BRINP3: variants seen among roughly 807,000 people sequenced by gnomAD.
The protein encoded by BRINP3 is BMP/retinoic acid-inducible neural-specific protein 3.
Under a neutral mutation model 71.0 loss-of-function variants are expected in BRINP3, and 19 were observed. The observed-to-expected ratio is 0.27, with a 90% CI of 0.19 to 0.39. The LOEUF is 0.39. Ranked by LOEUF, BRINP3 falls within the 10% of genes least tolerant of loss-of-function variation. The probability of loss-of-function intolerance (pLI) is 1.00; values close to 1 mark genes in which losing one functional copy is unlikely to be tolerated. For synonymous variants in BRINP3, 380 were observed against 337.7 expected (o/e 1.13, Z -1.37); for missense variants, 959 against 940.8 (o/e 1.02, Z -0.25).
intron 2 of BRINP3, among the ~76,000 whole-genome samples, chr1:190,401,287 G>C (rs1383213003): frequency 4.6e-5 from 7 of 151,114 alleles, no homozygotes; most frequent in African/African-American, 1.7e-4. Flanking sequence ...GAACCCAGGA[G>C]GTGGAGGTTG....
In BRINP3 at chr1:190,186,074, A is replaced by T. The variant is rs542688170; in HGVS notation, c.962-25184T>A. Among the ~76,000 whole-genome samples, 28 of 152,176 alleles carry T rather than the reference A, an allele frequency of 1.8e-4. No individual in the cohort carries two copies. The South Asian group carries it at 3.7e-3, about 20-fold the overall frequency. On this transcript the variant is annotated intron_variant, in intron 6 of 7. Transcript: ENST00000367462. ...TGTCAACTTGGTCATTTATATATAT[A>T]TTTTTTAAATTAAAGTAAAGGCTGG...
At chr1:190,124,876 A>G (rs1026393783) in intron 7 of BRINP3, among the ~76,000 whole-genome samples, 11 of 152,106 alleles carry the variant, frequency 7.2e-5, no homozygotes, top group African/African-American at 2.7e-4. Context: ...ATCTTTACAG[A>G]TACAAATCAA....
chr1:190,394,277 A>G (rs1034038879), intron 2 of BRINP3, among the ~76,000 whole-genome samples: 2 of 151,608 alleles, frequency 1.3e-5, no homozygotes, highest in African/African-American at 4.8e-5. Context: ...CTTACTATGG[A>G]GTATTTAATG....
intron 7 of BRINP3, among the ~76,000 whole-genome samples, chr1:190,137,128 C>G (rs1655039760): frequency 6.6e-6 from 1 of 151,978 alleles, no homozygotes; most frequent in Non-Finnish European, 1.5e-5. Flanking sequence ...GAACATGACT[C>G]TTTTCGAATA....
chr1:190,269,128 C>A (rs1485794582), intron 3 of BRINP3, among the ~76,000 whole-genome samples: 1 of 151,986 alleles, frequency 6.6e-6, no homozygotes, highest in East Asian at 1.9e-4. Flanking sequence ...CAAAGTAGAA[C>A]AGGAAAAATA....
chr1:190,182,333 G>T (rs1339136916), intron 6 of BRINP3, among the ~76,000 whole-genome samples: 1 of 151,934 alleles, frequency 6.6e-6, no homozygotes, highest in Non-Finnish European at 1.5e-5. Context: ...TGGATCTTTT[G>T]TTAGAGTACT....
chr1:190,244,428 A>G (rs1659393569), intron 4 of BRINP3, among the ~76,000 whole-genome samples: 2 of 152,106 alleles, frequency 1.3e-5, no homozygotes, highest in African/African-American at 4.8e-5. Context: ...AGCAAACTGC[A>G]AGCTGATGCT....
intron 6 of BRINP3, among the ~76,000 whole-genome samples, chr1:190,186,104 G>A (rs1237003708): frequency 2.0e-5 from 3 of 151,906 alleles, no homozygotes; most frequent in Non-Finnish European, 4.4e-5. Context: ...GGCTGGTCAC[G>A]GTGGCTGAAG....
rs1302815285 is a variant in BRINP3, at chr1:190,307,231, C to T, written c.237-25481G>A. Among the ~76,000 whole-genome samples the T allele has an allele frequency of 7.5e-5, 10 of 133,966 alleles. No individual in the cohort carries two copies. In the East Asian group the frequency reaches 8.6e-4, roughly 12 times the overall value. 87.9% of individuals were successfully genotyped at this position (133,966 alleles called of 152,430 possible). A position where few individuals can be genotyped will look rare whatever the true frequency, so the allele number is the denominator to read the frequency against. ...TTAAGTTTTTTTTAATGCCCTATGACGAACTGAGCTCCTCATTTAAAACAT... is the reference window on the plus strand; with the variant it reads ...TTAAGTTTTTTTTAATGCCCTATGATGAACTGAGCTCCTCATTTAAAACAT... On this transcript the variant is annotated intron_variant, in intron 2 of 7. Transcript: ENST00000367462.
rs377637819 is a variant in BRINP3 at position 190,465,953 on chromosome 1, C to G, written c.-50-11013G>C. Among the ~76,000 whole-genome samples the G allele has an allele frequency of 4.1e-4, 63 of 151,964 alleles. 1 individual carries two copies. In the South Asian group the frequency reaches 0.013, roughly 31 times the overall value. ...TGCAGATATCAAGATTTAATTGTTG[C>G]TATGACTGGCAACATGATTTTGCCT... On this transcript the variant is annotated intron_variant, in intron 1 of 7. Coordinates refer to ENST00000367462, the MANE Select transcript of BRINP3 (RefSeq NM_199051.3).
rs186598422 is a variant in BRINP3, at chr1:190,242,510, C to T, written c.619-8033G>A. Among the ~76,000 whole-genome samples, 12 of 152,162 alleles carry T rather than the reference C, an allele frequency of 7.9e-5. No individual in the cohort carries two copies. The East Asian group carries it at 2.3e-3, about 29-fold the overall frequency. ...CAAACACGGATAAACACATTCAGTG[C>T]AAGGGAACTTATACCACTGTTGAAT... On this transcript the variant is annotated intron_variant, in intron 4 of 7. Coordinates refer to ENST00000367462, the MANE Select transcript of BRINP3 (RefSeq NM_199051.3).
chr1:190,127,652 A>G (rs545955783), intron 7 of BRINP3, among the ~76,000 whole-genome samples: 58 of 152,026 alleles, frequency 3.8e-4, no homozygotes, highest in African/African-American at 1.4e-3. Flanking sequence ...AATGAAATCA[A>G]AATAAAAGTA....
rs150843661 is a variant in BRINP3 at position 190,227,070 on chromosome 1, G to T, written c.725-752C>A. Among the ~76,000 whole-genome samples the T allele has an allele frequency of 1.5e-3, 227 of 151,976 alleles. 1 individual carries two copies. Among genetic ancestry groups the T allele is most frequent in the African/African-American group, 5.3e-3 (219 of 41,540 alleles). ...GCATTTATTACGATATTTCAAAAAT[G>T]TAGTTTTTCAGTATGTCTGGCTACT... On this transcript the variant is annotated intron_variant, in intron 5 of 7. Transcript: ENST00000367462.
At chr1:190,462,822 A>G (rs1179870494) in intron 1 of BRINP3, among the ~76,000 whole-genome samples, 1 of 152,038 alleles carries the variant, frequency 6.6e-6, no homozygotes, top group African/African-American at 2.4e-5. Context: ...ATTTCTTAGA[A>G]TTTTTGAGGT....
At chr1:190,215,018 T>A (rs1208753203) in intron 6 of BRINP3, among the ~76,000 whole-genome samples, 1 of 150,980 alleles carries the variant, frequency 6.6e-6, no homozygotes, top group Non-Finnish European at 1.5e-5. Context: ...GCAAGAAAGC[T>A]CATTAATGCT....
At chr1:190,385,222 T>C (rs1670810278) in intron 2 of BRINP3, among the ~76,000 whole-genome samples, 1 of 151,820 alleles carries the variant, frequency 6.6e-6, no homozygotes, top group Non-Finnish European at 1.5e-5. Flanking sequence ...AAGACAAAAT[T>C]GACAAATAGG....
At chr1:190,118,836 G>A (rs958994474) in intron 7 of BRINP3, among the ~76,000 whole-genome samples, 1 of 152,132 alleles carries the variant, frequency 6.6e-6, no homozygotes, top group African/African-American at 2.4e-5. Flanking sequence ...TTTTCAATAG[G>A]GAAATAGAGA....
At chr1:190,353,488 T>G (rs1668532796) in intron 2 of BRINP3, among the ~76,000 whole-genome samples, 1 of 152,070 alleles carries the variant, frequency 6.6e-6, no homozygotes. Context: ...GTATAGAGAA[T>G]AATCTTGAGG....
intron 7 of BRINP3, among the ~76,000 whole-genome samples, chr1:190,140,436 T>C (rs1655338885): frequency 6.6e-6 from 1 of 152,166 alleles, no homozygotes; most frequent in Non-Finnish European, 1.5e-5. Flanking sequence ...TTACCTGATA[T>C]ATCTGTTTAC....
Sources: allele counts gnomAD v4.1 joint callset (sites outside exome capture counted in the v4.1 genomes callset), GRCh38; gene constraint gnomAD v4.1.1; transcripts MANE v1.5; gene names NCBI Gene and HGNC (gene_info 2026-07-23, HGNC 2026-07-21).